Variants in ZDHHC17 observed in about 807,000 individuals in gnomAD.
The protein encoded by ZDHHC17 is palmitoyltransferase ZDHHC17.
ZDHHC17 carries 40 observed loss-of-function variants against 90.3 expected under a neutral mutation model. That is an observed-to-expected ratio of 0.44 (90% CI 0.34 to 0.58). The LOEUF (loss-of-function observed/expected upper bound fraction) is 0.58. Among genes scored for constraint, ZDHHC17 ranks in the 20% least tolerant of loss-of-function variants. The pLI is 0.01. For missense variants in ZDHHC17, 614 were observed against 780.8 expected (o/e 0.79, Z 2.55); for synonymous variants, 235 against 252.4 (o/e 0.93, Z 0.65).
chr12:76,823,263 T>C (rs1311707012), intron 8 of ZDHHC17, among the ~76,000 whole-genome samples: 2 of 152,208 alleles, frequency 1.3e-5, no homozygotes, highest in African/African-American at 2.4e-5. Flanking sequence ...CAACTCCAGC[T>C]CTAACTTGAG....
intron 5 of ZDHHC17, among the ~76,000 whole-genome samples, chr12:76,810,587 A>G (rs533517212): frequency 7.2e-5 from 11 of 152,200 alleles, no homozygotes; most frequent in East Asian, 5.8e-4. Flanking sequence ...TTTGAATACT[A>G]TTTCTTTTAA....
chr12:76,787,647 T>TTG (rs749838931), intron 1 of ZDHHC17, among the ~76,000 whole-genome samples: 2 of 150,914 alleles, frequency 1.3e-5, no homozygotes, highest in African/African-American at 2.4e-5. Context: ...TCTCTGTCTC[T>TTG]TGTGTGTGTG....
At chr12:76,849,100 A>G (rs982643204) in intron 15 of ZDHHC17, among the ~76,000 whole-genome samples, 8 of 136,246 alleles carry the variant, frequency 5.9e-5, no homozygotes, top group African/African-American at 2.2e-4. Context: ...CCTGGGCAAC[A>G]TGGTTAAACC....
At chr12:76,846,135 A>T (rs1296832250) in intron 13 of ZDHHC17, among the ~76,000 whole-genome samples, 1 of 152,184 alleles carries the variant, frequency 6.6e-6, no homozygotes, top group Admixed American at 6.5e-5. Flanking sequence ...ACAGATAAGA[A>T]CAGTACACAC....
intron 1 of ZDHHC17, among the ~76,000 whole-genome samples, chr12:76,785,505 T>G (rs1288085846): frequency 6.6e-6 from 1 of 152,244 alleles, no homozygotes; most frequent in East Asian, 1.9e-4. Flanking sequence ...TGAGTCCAGA[T>G]ACTTTTCTAC....
Position 76,795,251 on chromosome 12 carries a change from T to C in ZDHHC17, c.94-2183T>C, listed in dbSNP as rs147735699. On this transcript the variant is annotated intron_variant, in intron 1 of 16. Coordinates refer to ENST00000426126, the MANE Select transcript of ZDHHC17 (RefSeq NM_015336.4). Reference sequence around the variant, plus strand: ...GTGTGTGTGTGTGTGTTTTGTTGCATTGGTTTTGTTTTAAAAATATTCCAT... The same window carrying C: ...GTGTGTGTGTGTGTGTTTTGTTGCACTGGTTTTGTTTTAAAAATATTCCAT... Among the ~76,000 whole-genome samples, 391 of 150,306 alleles carry C rather than the reference T, an allele frequency of 2.6e-3. 1 individual carries two copies. The highest frequency in any genetic ancestry group is 9.3e-3 in the African/African-American group (371 of 39,726).
intron 10 of ZDHHC17, among the ~76,000 whole-genome samples, chr12:76,837,511 A>G (rs1245925806): frequency 2.0e-5 from 3 of 152,092 alleles, no homozygotes; most frequent in Non-Finnish European, 4.4e-5. Context: ...AAAACTCTTT[A>G]CTTAAGAACA....
At chr12:76,780,441 A>C (rs1952609202) in intron 1 of ZDHHC17, among the ~76,000 whole-genome samples, 1 of 152,234 alleles carries the variant, frequency 6.6e-6, no homozygotes, top group African/African-American at 2.4e-5. Flanking sequence ...TGGCTCTACC[A>C]GATCATTTCT....
chr12:76,829,656 C>A (rs1953275805), intron 10 of ZDHHC17, among the ~76,000 whole-genome samples: 1 of 151,902 alleles, frequency 6.6e-6, no homozygotes, highest in African/African-American at 2.4e-5. Flanking sequence ...ACTATTTTCG[C>A]TAAATATTTT....
intron 1 of ZDHHC17, among the ~76,000 whole-genome samples, chr12:76,791,654 T>A (rs1442214756): frequency 6.6e-6 from 1 of 152,098 alleles, no homozygotes; most frequent in African/African-American, 2.4e-5. Flanking sequence ...TCACTATACT[T>A]AGTATACTAT....
chr12:76,783,803 A>T (rs544777011), intron 1 of ZDHHC17, among the ~76,000 whole-genome samples: 1 of 152,382 alleles, frequency 6.6e-6, no homozygotes, highest in South Asian at 2.1e-4. Context: ...CCCTAAATGT[A>T]ATCACATATA....
chr12:76,781,653 C>T (rs1952628832), intron 1 of ZDHHC17: 1 of 456,090 alleles, frequency 2.2e-6, no homozygotes, highest in African/African-American at 2.0e-5. Context: ...ATGTGGGCCC[C>T]TTCACCTTGG....
rs936953251 is a variant in ZDHHC17 at position 76,815,228 on chromosome 12, A to C, written c.608+18A>C. 1 of 1,530,652 alleles carries C rather than the reference A, an allele frequency of 6.5e-7. No individual in the cohort carries two copies. Among genetic ancestry groups the C allele is most frequent in the African/African-American group, 1.4e-5 (1 of 72,632 alleles). 94.8% of individuals were successfully genotyped at this position (1,530,652 alleles called of 1,614,324 possible). ...ACACATAGGTATGTAATGACTATAA[A>C]AAACTTATTTAGGCCATTTCAGCAT... On this transcript the variant is annotated intron_variant, in intron 6 of 16. Transcript: ENST00000426126.
chr12:76,803,844 C>A (rs11115487), intron 2 of ZDHHC17, among the ~76,000 whole-genome samples: 1,681 of 152,246 alleles, frequency 0.011, 11 homozygotes, highest in Non-Finnish European at 0.017. Context: ...AATTGGATTA[C>A]CTCCATCTAT....
In ZDHHC17 at chr12:76,768,398, G is replaced by A. The variant is rs770833104; in HGVS notation, c.93+4069G>A. Among the ~76,000 whole-genome samples, 7 of 152,116 alleles carry A rather than the reference G, an allele frequency of 4.6e-5. No individual in the cohort carries two copies. The South Asian group carries it at 1.2e-3, about 27-fold the overall frequency. Reference sequence around the variant, plus strand: ...GACTCAAGTGTTCTGGTTTTAAATTGTGATTTTTCAATATAATCAACTTGA... The same window carrying A: ...GACTCAAGTGTTCTGGTTTTAAATTATGATTTTTCAATATAATCAACTTGA... On this transcript the variant is annotated intron_variant, in intron 1 of 16. Transcript: ENST00000426126.
chr12:76,800,885 C>CTTTTTTTTTTTTTTTTT (rs71085458), intron 2 of ZDHHC17, among the ~76,000 whole-genome samples: 1 of 108,086 alleles, frequency 9.3e-6, no homozygotes, highest in African/African-American at 3.5e-5. Context: ...TTTGCCATTT[C>CTTTTTTTTTTTTTTTTT]TTTTTTTTTT....
Position 76,842,905 on chromosome 12 carries a change from T to G in ZDHHC17, c.1267-14T>G, listed in dbSNP as rs1953452663. The G allele has an allele frequency of 1.3e-6, 2 of 1,595,276 alleles. No individual in the cohort carries two copies. The highest frequency in any genetic ancestry group is 2.3e-5 in the South Asian group (2 of 88,886). On this transcript the variant is annotated splice_polypyrimidine_tract_variant and intron_variant, in intron 11 of 16. Transcript: ENST00000426126. ...GTTCAGTTTTGAATTAAATATTATT[T>G]TTTTAATTCACAGACAATAGTTGAA...
chr12:76,789,913 A>T (rs1162301397), intron 1 of ZDHHC17, among the ~76,000 whole-genome samples: 1 of 152,218 alleles, frequency 6.6e-6, no homozygotes, highest in Non-Finnish European at 1.5e-5. Flanking sequence ...GGGAGCCATG[A>T]TAACGACATG....
rs1953586234 is a variant in ZDHHC17 at position 76,853,316 on chromosome 12, C to T, written c.*2331C>T. 1 of 152,486 alleles carries T rather than the reference C, an allele frequency of 6.6e-6. No homozygotes were observed. The highest frequency in any genetic ancestry group is 2.4e-5 in the African/African-American group (1 of 41,408). 9.4% of individuals were successfully genotyped at this position (152,486 alleles called of 1,614,324 possible). A position where few individuals can be genotyped will look rare whatever the true frequency, so the allele number is the denominator to read the frequency against. ...CCTGTGTGTGGAACCAACTATAAACCCAGTTCTAAAGTTGTGTATGATGGT... is the reference window on the plus strand; with the variant it reads ...CCTGTGTGTGGAACCAACTATAAACTCAGTTCTAAAGTTGTGTATGATGGT... On this transcript the variant is annotated 3_prime_UTR_variant, in exon 17 of 17. Coordinates refer to ENST00000426126, the MANE Select transcript of ZDHHC17 (RefSeq NM_015336.4).
Sources: allele counts gnomAD v4.1 joint callset (sites outside exome capture counted in the v4.1 genomes callset), GRCh38; gene constraint gnomAD v4.1.1; transcripts MANE v1.5; gene names NCBI Gene and HGNC (gene_info 2026-07-23, HGNC 2026-07-21).